SPAG16: variants seen among roughly 807,000 people sequenced by gnomAD.
The protein encoded by SPAG16 is sperm-associated antigen 16 protein.
Under a neutral mutation model 80.4 loss-of-function variants are expected in SPAG16, and 86 were observed. The ratio of observed to expected loss-of-function variants is 1.07; its 90% CI spans 0.90 to 1.28. The LOEUF (loss-of-function observed/expected upper bound fraction) is 1.28. Ranked by LOEUF, SPAG16 falls within the 50% of genes most tolerant of loss-of-function variation. The pLI is 0.00. For missense variants in SPAG16, 870 were observed against 765.3 expected, an observed-to-expected ratio of 1.14 and a Z score of -1.61; for synonymous variants, 294 against 265.9, an observed-to-expected ratio of 1.11 and a Z score of -1.03.
At chr2:214,029,056 G>A (rs1236052332) in intron 13 of SPAG16, among the ~76,000 whole-genome samples, 2 of 151,914 alleles carry the variant, frequency 1.3e-5, no homozygotes, top group African/African-American at 4.8e-5. Context: ...GAAGAAATCA[G>A]GAATCAGGGA....
At chr2:214,245,218 T>G (rs1260962500) in intron 15 of SPAG16, among the ~76,000 whole-genome samples, 1 of 152,164 alleles carries the variant, frequency 6.6e-6, no homozygotes, top group Non-Finnish European at 1.5e-5. Context: ...GATTTAGGAT[T>G]TATATAGATT....
At chr2:213,373,823 G>A (rs1167393414) in intron 8 of SPAG16, among the ~76,000 whole-genome samples, 1 of 152,078 alleles carries the variant, frequency 6.6e-6, no homozygotes, top group Non-Finnish European at 1.5e-5. Context: ...TTAGAATAGT[G>A]GACATTATAA....
At chr2:214,058,177 C>T (rs1314533393) in intron 13 of SPAG16, among the ~76,000 whole-genome samples, 1 of 152,192 alleles carries the variant, frequency 6.6e-6, no homozygotes, top group African/African-American at 2.4e-5. Flanking sequence ...ACCTAGCTTT[C>T]ACCCTGTGTA....
At chr2:213,320,669 C>T (rs920566844) in intron 5 of SPAG16, among the ~76,000 whole-genome samples, 2 of 151,978 alleles carry the variant, frequency 1.3e-5, no homozygotes, top group South Asian at 2.1e-4. Context: ...CAATATTTGT[C>T]TTTCTGTACC....
chr2:213,620,364 C>T (rs1351208573), intron 10 of SPAG16, among the ~76,000 whole-genome samples: 1 of 143,108 alleles, frequency 7.0e-6, no homozygotes, highest in Non-Finnish European at 1.5e-5. Context: ...ACGATCTCCG[C>T]TCACTGCAAG....
At chr2:213,967,784 A>T (rs1183858081) in intron 12 of SPAG16, among the ~76,000 whole-genome samples, 1 of 152,140 alleles carries the variant, frequency 6.6e-6, no homozygotes, top group African/African-American at 2.4e-5. Flanking sequence ...TATGGGCTTT[A>T]ATGCACATTT....
chr2:214,094,951 A>T (rs138133225), intron 13 of SPAG16, among the ~76,000 whole-genome samples: 132 of 151,760 alleles, frequency 8.7e-4, no homozygotes, highest in African/African-American at 3.1e-3. Context: ...ATTGGATGAA[A>T]CTTTTGAGAG....
intron 15 of SPAG16, among the ~76,000 whole-genome samples, chr2:214,188,335 C>G (rs2057545071): frequency 6.6e-6 from 1 of 152,156 alleles, no homozygotes; most frequent in Non-Finnish European, 1.5e-5. Flanking sequence ...ACATTCCACA[C>G]ATTTATAAAG....
At chr2:213,996,631 C>T (rs553848724) in intron 12 of SPAG16, among the ~76,000 whole-genome samples, 15 of 146,278 alleles carry the variant, frequency 1.0e-4, no homozygotes, top group East Asian at 2.0e-4. Context: ...TGCAATGGCG[C>T]GATCTCTGCT....
chr2:213,800,302 C>T lies in SPAG16; in HGVS notation c.1071-62183C>T, dbSNP rs559239808. ...TCATCTTGTCTCCCTATATTTCCCT[C>T]CCTTTCTCCTTCCCTCCCTCCCTCC... On this transcript the variant is annotated intron_variant, in intron 10 of 15. Coordinates refer to ENST00000331683, the MANE Select transcript of SPAG16 (RefSeq NM_024532.5). Among the ~76,000 whole-genome samples, 16 of 151,296 alleles carry T rather than the reference C, an allele frequency of 1.1e-4. 1 individual carries two copies. The South Asian group carries it at 3.1e-3, about 30-fold the overall frequency.
At chr2:214,358,855 C>A (rs547038982) in intron 15 of SPAG16, among the ~76,000 whole-genome samples, 1 of 152,014 alleles carries the variant, frequency 6.6e-6, no homozygotes, top group South Asian at 2.1e-4. Flanking sequence ...TTCCCCTTGT[C>A]ATATACATTG....
intron 11 of SPAG16, among the ~76,000 whole-genome samples, chr2:213,874,047 T>C (rs2105997832): frequency 6.6e-6 from 1 of 152,210 alleles, no homozygotes; most frequent in South Asian, 2.1e-4. Flanking sequence ...CAGAAAGATA[T>C]AGTAAAAATA....
chr2:214,234,174 T>C lies in SPAG16; in HGVS notation c.1720+84908T>C, dbSNP rs115019704. Among the ~76,000 whole-genome samples, 757 of 152,308 alleles carry C rather than the reference T, an allele frequency of 5.0e-3. 5 individuals are homozygous for C. Among genetic ancestry groups the C allele is most frequent in the African/African-American group, 0.017 (716 of 41,572 alleles). ...TGCTTCTGCATTACCTTACTGAGGA[T>C]AATTGCTTTCAGCAACATCCATGTC... On this transcript the variant is annotated intron_variant, in intron 15 of 15. Coordinates refer to ENST00000331683, the MANE Select transcript of SPAG16 (RefSeq NM_024532.5).
rs67726428 is a variant in SPAG16, at chr2:214,165,469, CTTTTTTTTTTTTTTTTTTTTTTT to C, written c.1720+16218_1720+16240del. On this transcript the variant is annotated intron_variant, in intron 15 of 15. Transcript: ENST00000331683. ...TTTAAAAATGCTTTGCATCACCATC[CTTTTTTTTTTTTTTTTTTTTTTT>C]TTTTTTTTTTTTTTGCCAAAATTGA... Among the ~76,000 whole-genome samples the C allele has an allele frequency of 7.7e-4, 29 of 37,856 alleles. 2 individuals are homozygous for C. Among genetic ancestry groups the C allele is most frequent in the South Asian group, 4.6e-3 (4 of 870 alleles). The allele number at this position is 37,856 out of a possible 152,430, so 24.8% of individuals were successfully genotyped here.
At chr2:214,352,178 T>C (rs960129570) in intron 15 of SPAG16, among the ~76,000 whole-genome samples, 2 of 152,158 alleles carry the variant, frequency 1.3e-5, no homozygotes, top group Non-Finnish European at 2.9e-5. Flanking sequence ...TACCATCACA[T>C]TGGGCATTAT....
intron 11 of SPAG16, among the ~76,000 whole-genome samples, chr2:213,880,413 C>G (rs1002706091): frequency 1.3e-5 from 2 of 152,094 alleles, no homozygotes; most frequent in Admixed American, 1.3e-4. Flanking sequence ...ATATTTTCTC[C>G]CATTTCTGCA....
At chr2:213,816,613 GATACTT>G (rs1487122842) in intron 10 of SPAG16, among the ~76,000 whole-genome samples, 2 of 151,860 alleles carry the variant, frequency 1.3e-5, no homozygotes, top group Admixed American at 6.6e-5. Flanking sequence ...CATCTTATGA[GATACTT>G]ATGCCAATAT....
chr2:213,692,227 A>T (rs1252560596), intron 10 of SPAG16, among the ~76,000 whole-genome samples: 3 of 152,234 alleles, frequency 2.0e-5, no homozygotes, highest in Admixed American at 6.5e-5. Flanking sequence ...AAAAATAATA[A>T]TTTAAACAAA....
intron 13 of SPAG16, among the ~76,000 whole-genome samples, chr2:214,032,003 C>T (rs1041101492): frequency 6.6e-6 from 1 of 152,196 alleles, no homozygotes; most frequent in African/African-American, 2.4e-5. Flanking sequence ...AGAGACAAAT[C>T]ATGTCAGTCT....
Sources: gnomAD v4.1 joint callset for allele counts (sites outside exome capture counted in the v4.1 genomes callset) on GRCh38, gnomAD v4.1.1 for gene constraint, MANE v1.5 for transcripts, NCBI Gene and HGNC (gene_info 2026-07-23, HGNC 2026-07-21) for gene names.